The following STX1A variants were observed in gnomAD, a reference collection of about 807,000 sequenced individuals.
The protein encoded by STX1A is syntaxin-1A.
Under a neutral mutation model 37.8 loss-of-function variants are expected in STX1A, and 4 were observed. The observed-to-expected ratio is 0.11, with a 90% CI of 0.05 to 0.24. The LOEUF is 0.24. Ranked by LOEUF, STX1A falls within the 10% of genes least tolerant of loss-of-function variation. STX1A has a pLI of 1.00. For missense variants in STX1A, 251 were observed against 399.9 expected, an observed-to-expected ratio of 0.63 and a Z score of 3.18; for synonymous variants, 135 against 147.4, an observed-to-expected ratio of 0.92 and a Z score of 0.61.
rs182968239 is a variant in STX1A, at chr7:73,718,194, G to A, written c.30+1408C>T. Among the ~76,000 whole-genome samples, 9 of 152,302 alleles carry A rather than the reference G, an allele frequency of 5.9e-5. No individual in the cohort carries two copies. In the East Asian group the frequency reaches 1.7e-3, roughly 29 times the overall value. ...GGGGAAGTGTTTAGAGCCCATATGC[G>A]ACTTGAGGGACCATCTTCTTCCTTT... On this transcript the variant is annotated intron_variant, in intron 1 of 9. Coordinates refer to ENST00000222812, the MANE Select transcript of STX1A (RefSeq NM_004603.4).
chr7:73,718,855 T>C (rs1188230961), intron 1 of STX1A, among the ~76,000 whole-genome samples: 1 of 150,424 alleles, frequency 6.6e-6, no homozygotes, highest in African/African-American at 2.5e-5. Context: ...CAGATACAGG[T>C]AGAAAAATAG....
chr7:73,707,308 G>T (rs1463707069), intron 3 of STX1A, among the ~76,000 whole-genome samples: 1 of 152,208 alleles, frequency 6.6e-6, no homozygotes, highest in African/African-American at 2.4e-5. Context: ...GTGCGAGCCT[G>T]ACACACAGGC....
chr7:73,703,479 GA>G lies in STX1A; in HGVS notation c.540+275del, dbSNP rs1463637950. 3 of 667,250 alleles carry G rather than the reference GA, an allele frequency of 4.5e-6. No individual in the cohort carries two copies. The East Asian group carries it at 8.8e-5, about 20-fold the overall frequency. 41.3% of individuals were successfully genotyped at this position (667,250 alleles called of 1,614,324 possible). A position where few individuals can be genotyped will look rare whatever the true frequency, so the allele number is the denominator to read the frequency against. On this transcript the variant is annotated intron_variant, in intron 7 of 9. Coordinates refer to ENST00000222812, the MANE Select transcript of STX1A (RefSeq NM_004603.4). Reference sequence around the variant, plus strand: ...AATGGCCAAATGTCCTCCAGGAGAGGAAAAGGGCCCACGGATAAGAGGAGGA... The same window carrying G: ...AATGGCCAAATGTCCTCCAGGAGAGGAAAGGGCCCACGGATAAGAGGAGGA...
chr7:73,718,162 G>C (rs1563582046), intron 1 of STX1A, among the ~76,000 whole-genome samples: 1 of 152,192 alleles, frequency 6.6e-6, no homozygotes, highest in Non-Finnish European at 1.5e-5. Context: ...CAACCACAGG[G>C]GCCGCGGGGG....
rs782213017 is a variant in STX1A at position 73,706,866 on chromosome 7, G to T, written c.209-1642C>A. On this transcript the variant is annotated intron_variant, in intron 3 of 9. Coordinates refer to ENST00000222812, the MANE Select transcript of STX1A (RefSeq NM_004603.4). The surrounding 1 kb of genome is among the most constrained non-coding windows in gnomAD (Gnocchi z 4.6). ...ACAAATCTCTCAGGCAAGGAGCTCA[G>T]CGTGGTGAGCCCTGGGCGTCCCTCT... Among the ~76,000 whole-genome samples the T allele has an allele frequency of 1.4e-4, 21 of 152,232 alleles. No homozygotes were observed. Among genetic ancestry groups the T allele is most frequent in the Non-Finnish European group, 7.3e-5 (5 of 68,034 alleles).
In STX1A at chr7:73,702,705, G is replaced by A. The variant is rs1798705972; in HGVS notation, c.678+140C>T. The A allele has an allele frequency of 6.5e-7, 1 of 1,528,540 alleles. No homozygotes were observed. Among genetic ancestry groups the A allele is most frequent in the African/African-American group, 1.4e-5 (1 of 73,366 alleles). 94.7% of individuals were successfully genotyped at this position (1,528,540 alleles called of 1,614,324 possible). ...TCGGGTCGGCAGGGCCCTGGCGGCAGTTTCAACAGCGGGTGATTGGTTACC... is the reference window on the plus strand; with the variant it reads ...TCGGGTCGGCAGGGCCCTGGCGGCAATTTCAACAGCGGGTGATTGGTTACC... On this transcript the variant is annotated intron_variant, in intron 8 of 9. Transcript: ENST00000222812. The surrounding 1 kb of genome is among the most constrained non-coding windows in gnomAD (Gnocchi z 4.7).
chr7:73,707,368 G>A (rs918335317), intron 3 of STX1A, among the ~76,000 whole-genome samples: 3 of 152,196 alleles, frequency 2.0e-5, no homozygotes, highest in Non-Finnish European at 2.9e-5. Flanking sequence ...GAGAATGCCC[G>A]CCCCGGGGTG....
At position 73,704,436 on chromosome 7, in the gene STX1A, G is replaced by A; in HGVS notation, c.284-13C>T. ...GACTGCTCGATGCCTGGGGGCACAG[G>A]TGGCTGCTAAGTCATAACCAGGCCC... On this transcript the variant is annotated splice_polypyrimidine_tract_variant and intron_variant, in intron 4 of 9. Coordinates refer to ENST00000222812, the MANE Select transcript of STX1A (RefSeq NM_004603.4). 6.2e-7 allele frequency: 1 copy of A among 1,614,088 alleles called. No individual in the cohort carries two copies. The highest frequency in any genetic ancestry group is 8.5e-7 in the Non-Finnish European group (1 of 1,180,022).
At chr7:73,719,528 G>A (rs1799420549) in intron 1 of STX1A, 74 bp downstream of exon 1, 1 of 1,179,436 alleles carries the variant, frequency 8.5e-7, no homozygotes, top group Non-Finnish European at 1.1e-6. Flanking sequence ...GGCCGCGGGA[G>A]CCGGGCGGGA....
rs1234664565 is a variant in STX1A, at chr7:73,706,902, C to T, written c.209-1678G>A. On this transcript the variant is annotated intron_variant, in intron 3 of 9. Transcript: ENST00000222812. This position sits in a 1 kb window ranked among gnomAD's most constrained non-coding sequence, Gnocchi z 4.6. ...CCTGGGCGTCCCTCTCTCCCTCCTG[C>T]CCTTCCTGAGGCAGTCCACCCTGCT... is the stretch of plus-strand genomic sequence containing the variant. 6.6e-6 allele frequency among the ~76,000 whole-genome samples: 1 copy of T among 152,232 alleles called. No homozygotes were observed. The highest frequency in any genetic ancestry group is 2.4e-5 in the African/African-American group (1 of 41,466).
At chr7:73,704,511 C>T in intron 4 of STX1A, 88 bp from the exon 5 acceptor site, 3 of 1,532,400 alleles carry the variant, frequency 2.0e-6, no homozygotes, top group Non-Finnish European at 2.7e-6. Flanking sequence ...CACCTTCCCA[C>T]ATCCCCTAGG....
At position 73,706,653 on chromosome 7, in the gene STX1A, C is replaced by G. The variant is rs575288338; in HGVS notation, c.209-1429G>C. Among the ~76,000 whole-genome samples the G allele has an allele frequency of 3.9e-5, 6 of 152,198 alleles. No individual in the cohort carries two copies. The South Asian group carries it at 1.2e-3, about 32-fold the overall frequency. ...GCAGGAGCCCAAGGTGTGGAGCAGA[C>G]AGCTCTGCTGCCCCATGCCCGCCCC... On this transcript the variant is annotated intron_variant, in intron 3 of 9. Coordinates refer to ENST00000222812, the MANE Select transcript of STX1A (RefSeq NM_004603.4). This position sits in a 1 kb window ranked among gnomAD's most constrained non-coding sequence, Gnocchi z 4.6.
chr7:73,703,026 G>C, intron 7 of STX1A, 44 bp from the exon 8 acceptor site: 1 of 1,530,986 alleles, frequency 6.5e-7, no homozygotes, highest in African/African-American at 1.4e-5. Flanking sequence ...GCTTGCTGAG[G>C]GGCAGGGCAG....
intron 3 of STX1A, among the ~76,000 whole-genome samples, chr7:73,707,357 T>C (rs1798910500): frequency 6.6e-6 from 1 of 152,118 alleles, no homozygotes; most frequent in Non-Finnish European, 1.5e-5. Flanking sequence ...CCTGGAGCCC[T>C]GAGAATGCCC....
chr7:73,709,147 G>C lies in STX1A; in HGVS notation c.31-25C>G, dbSNP rs1405101861. The C allele has an allele frequency of 3.1e-6, 5 of 1,608,720 alleles. No homozygotes were observed. The highest frequency in any genetic ancestry group is 4.2e-6 in the Non-Finnish European group (5 of 1,179,554). On this transcript the variant is annotated intron_variant, in intron 1 of 9. Transcript: ENST00000222812. The surrounding 1 kb of genome is among the most constrained non-coding windows in gnomAD (Gnocchi z 4.2). ...CCTGTGCGGGGTTGTGCACACATAAGTGGACGTATGTACAGGACCCACCTG... is the reference window on the plus strand; with the variant it reads ...CCTGTGCGGGGTTGTGCACACATAACTGGACGTATGTACAGGACCCACCTG...
chr7:73,710,048 C>A (rs1554617716), intron 1 of STX1A, among the ~76,000 whole-genome samples: 3 of 152,144 alleles, frequency 2.0e-5, no homozygotes, highest in African/African-American at 7.2e-5. Flanking sequence ...TCGGTCTTGC[C>A]ATTGGACCTC....
At chr7:73,712,658 C>T (rs534370805) in intron 1 of STX1A, among the ~76,000 whole-genome samples, 3 of 152,274 alleles carry the variant, frequency 2.0e-5, no homozygotes, top group South Asian at 2.1e-4. Flanking sequence ...CTGCCCATCT[C>T]GGGCAGCCCC....
chr7:73,701,029 G>T, intron 8 of STX1A, 189 bp from the exon 9 acceptor site: 1 of 1,139,164 alleles, frequency 8.8e-7, no homozygotes, highest in Non-Finnish European at 1.2e-6. Flanking sequence ...GGCTCCCCAA[G>T]GCAGCTCCCA....
At chr7:73,714,304 C>T (rs1799208479) in intron 1 of STX1A, among the ~76,000 whole-genome samples, 1 of 152,096 alleles carries the variant, frequency 6.6e-6, no homozygotes. Flanking sequence ...GACGGGGTTT[C>T]ACCATGTTGG....
Sources: gnomAD v4.1 joint callset for allele counts (sites outside exome capture counted in the v4.1 genomes callset) on GRCh38, gnomAD v4.1.1 for gene constraint, Gnocchi (gnomAD v3.1) non-coding constraint, MANE v1.5 for transcripts, NCBI Gene and HGNC (gene_info 2026-07-23, HGNC 2026-07-21) for gene names.